The following ACTR1A variants were observed in gnomAD, a reference collection of about 807,000 sequenced individuals.
The protein encoded by ACTR1A is actin related protein 1A.
A neutral mutation model predicts 50.7 loss-of-function variants in ACTR1A; 10 were observed. That is an observed-to-expected ratio of 0.20 (90% confidence interval 0.12 to 0.33). The LOEUF is 0.33. ACTR1A is among the 10% of genes least tolerant of loss of function. The pLI, the probability that ACTR1A is intolerant of heterozygous loss-of-function variation, is 1.00. For synonymous variants in ACTR1A, 177 were observed against 184.2 expected, an observed-to-expected ratio of 0.96 and a Z score of 0.32; for missense variants, 253 against 491.7, an observed-to-expected ratio of 0.51 and a Z score of 4.59.
chr10:102,487,390 G>A (rs147636677), intron 4 of ACTR1A, among the ~76,000 whole-genome samples: 6,582 of 152,024 alleles, frequency 0.043, 454 homozygotes, highest in African/African-American at 0.15. Context: ...CTCCAGCCTG[G>A]CCAACAAGAG....
At chr10:102,491,308 C>G (rs909733189) in intron 1 of ACTR1A, among the ~76,000 whole-genome samples, 2 of 152,190 alleles carry the variant, frequency 1.3e-5, no homozygotes, top group Admixed American at 6.5e-5. Flanking sequence ...CTCCTTGTTA[C>G]GCCACCCTGG....
Position 102,481,129 on chromosome 10 carries a change from C to T in ACTR1A, c.1028+3G>A, listed in dbSNP as rs559670275. 5 of 1,608,456 alleles carry T rather than the reference C, an allele frequency of 3.1e-6. No individual in the cohort carries two copies. Among genetic ancestry groups the T allele is most frequent in the South Asian group, 2.2e-5 (2 of 90,424 alleles). ...TGTTCTTACTCCTGGAAGAGCTACT[C>T]ACCCAATCCACGTGGAATACAGTCT... On this transcript the variant is annotated splice_donor_region_variant and intron_variant, in intron 10 of 10. Coordinates refer to ENST00000369905, the MANE Select transcript of ACTR1A (RefSeq NM_005736.4).
In ACTR1A at chr10:102,481,229, C is replaced by T; in HGVS notation, c.988-57G>A. On this transcript the variant is annotated intron_variant, in intron 9 of 10. Coordinates refer to ENST00000369905, the MANE Select transcript of ACTR1A (RefSeq NM_005736.4). ...CTTCCAGCCCTCCCGCTCCCTTTCC[C>T]TACAATGCTCCTCTTTCTGCCCATG... is the stretch of plus-strand genomic sequence containing the variant. The T allele has an allele frequency of 2.0e-6, 3 of 1,502,762 alleles. No individual in the cohort carries two copies. The South Asian group carries it at 3.9e-5, about 20-fold the overall frequency. The allele number at this position is 1,502,762 out of a possible 1,614,324, so 93.1% of individuals were successfully genotyped here.
At position 102,482,957 on chromosome 10, in the gene ACTR1A, G is replaced by C. The variant is rs919641516; in HGVS notation, c.750+54C>G. 2 of 1,423,250 alleles carry C rather than the reference G, an allele frequency of 1.4e-6. No homozygotes were observed. The highest frequency in any genetic ancestry group is 4.5e-5 in the East Asian group (2 of 44,036). 88.2% of individuals were successfully genotyped at this position (1,423,250 alleles called of 1,614,324 possible). On this transcript the variant is annotated intron_variant, in intron 7 of 10. Transcript: ENST00000369905. This position sits in a 1 kb window ranked among gnomAD's most constrained non-coding sequence, Gnocchi z 5.6. ...GACCCTGATGGAGAATTCTGGTTGG[G>C]CCCAGAGCTTTTGTGGACCTAAGGG... is the stretch of plus-strand genomic sequence containing the variant.
At chr10:102,499,279 C>T (rs370503465) in intron 1 of ACTR1A, among the ~76,000 whole-genome samples, 2 of 152,220 alleles carry the variant, frequency 1.3e-5, no homozygotes, top group East Asian at 3.9e-4. Flanking sequence ...TATACATCTA[C>T]CATCTTGAAA....
chr10:102,495,752 AC>A, intron 1 of ACTR1A, among the ~76,000 whole-genome samples: 1 of 125,188 alleles, frequency 8.0e-6, no homozygotes, highest in Non-Finnish European at 1.6e-5. Context: ...AAATAAATAC[AC>A]AATTTTTTTT....
chr10:102,499,959 C>A (rs1437975345), intron 1 of ACTR1A, among the ~76,000 whole-genome samples: 3 of 152,220 alleles, frequency 2.0e-5, no homozygotes, highest in Non-Finnish European at 4.4e-5. Context: ...ATTGAGCACA[C>A]AGAGGTGCCA....
rs1300351723 is a variant in ACTR1A at position 102,480,746 on chromosome 10, C to T, written c.*117G>A. The T allele has an allele frequency of 1.2e-6, 1 of 862,462 alleles. No individual in the cohort carries two copies. Among genetic ancestry groups the T allele is most frequent in the East Asian group, 2.4e-5 (1 of 41,354 alleles). The allele number at this position is 862,462 out of a possible 1,614,324, so 53.4% of individuals were successfully genotyped here. On this transcript the variant is annotated 3_prime_UTR_variant, in exon 11 of 11. Coordinates refer to ENST00000369905, the MANE Select transcript of ACTR1A (RefSeq NM_005736.4). The stretch of plus-strand genomic sequence containing the variant: ...CACACGGCACTCGCATGTGCACACA[C>T]ACTCATATCCACACACGCACTCACA...
Position 102,479,366 on chromosome 10 carries a change from G to A in ACTR1A, c.*1497C>T. ...GGTTAAGCGCACTGCAGTCCGCGGG[G>A]CGCTACGTTGCTTTCACACATACCT... On this transcript the variant is annotated 3_prime_UTR_variant, in exon 11 of 11. Transcript: ENST00000369905. This position sits in a 1 kb window ranked among gnomAD's most constrained non-coding sequence, Gnocchi z 4.0. 1 of 368,862 alleles carries A rather than the reference G, an allele frequency of 2.7e-6. No homozygotes were observed. Among genetic ancestry groups the A allele is most frequent in the South Asian group, 2.0e-5 (1 of 49,052 alleles). 22.8% of individuals were successfully genotyped at this position (368,862 alleles called of 1,614,324 possible).
Position 102,481,931 on chromosome 10 carries a change from T to G in ACTR1A, c.926-33A>C, listed in dbSNP as rs368732919. 1.1e-4 allele frequency: 185 copies of G among 1,613,496 alleles called. No homozygotes were observed. The African/African-American group carries it at 1.3e-3, about 12-fold the overall frequency. On this transcript the variant is annotated intron_variant, in intron 8 of 10. Transcript: ENST00000369905. Reference sequence around the variant, plus strand: ...GGCAAAGAGGAGAACTTCAAGTCAATTCTCAGGGTGCCTGGAGCCAGCAGG... The same window carrying G: ...GGCAAAGAGGAGAACTTCAAGTCAAGTCTCAGGGTGCCTGGAGCCAGCAGG...
At chr10:102,500,200 A>T (rs2062241695) in intron 1 of ACTR1A, among the ~76,000 whole-genome samples, 1 of 152,104 alleles carries the variant, frequency 6.6e-6, no homozygotes, top group Non-Finnish European at 1.5e-5. Context: ...TTGGGAGGCC[A>T]AGGCGGGTGG....
In ACTR1A at chr10:102,500,071, G is replaced by A. The variant is rs1052837417; in HGVS notation, c.48+2529C>T. On this transcript the variant is annotated intron_variant, in intron 1 of 10. Transcript: ENST00000369905. Reference sequence around the variant, plus strand: ...TTTTTCCCAACACCACTAAACCTGTGGGAGAATATCATCTTTTTCCACAAG... The same window carrying A: ...TTTTTCCCAACACCACTAAACCTGTAGGAGAATATCATCTTTTTCCACAAG... 9.2e-5 allele frequency among the ~76,000 whole-genome samples: 14 copies of A among 152,150 alleles called. No individual in the cohort carries two copies. In the East Asian group the frequency reaches 2.7e-3, roughly 29 times the overall value.
intron 2 of ACTR1A, among the ~76,000 whole-genome samples, chr10:102,490,110 C>T (rs2062184998): frequency 1.3e-5 from 2 of 151,668 alleles, no homozygotes; most frequent in African/African-American, 2.4e-5. Flanking sequence ...GTGGCAGGCG[C>T]CTGTAGTCCC....
intron 1 of ACTR1A, among the ~76,000 whole-genome samples, chr10:102,500,484 G>A (rs1160941936): frequency 1.3e-5 from 2 of 152,044 alleles, no homozygotes; most frequent in African/African-American, 4.8e-5. Flanking sequence ...CAGGAGAATG[G>A]CGTGAACCCG....
At chr10:102,490,956 G>A (rs1489901284) in intron 1 of ACTR1A, among the ~76,000 whole-genome samples, 1 of 151,652 alleles carries the variant, frequency 6.6e-6, no homozygotes, top group Non-Finnish European at 1.5e-5. Flanking sequence ...TTGTGCCACT[G>A]CACTCCAGCC....
chr10:102,480,410 T>G lies in ACTR1A; in HGVS notation c.*453A>C, dbSNP rs1193593381. 1.0e-5 allele frequency: 2 copies of G among 198,602 alleles called. No homozygotes were observed. Among genetic ancestry groups the G allele is most frequent in the South Asian group, 8.9e-5 (1 of 11,284 alleles). 12.3% of individuals were successfully genotyped at this position (198,602 alleles called of 1,614,324 possible). A position where few individuals can be genotyped will look rare whatever the true frequency, so the allele number is the denominator to read the frequency against. ...CCCAGTCCCAGTCCTCAGTGTGCAG[T>G]CAGGAGGCATCGATAGTGGAGGCAG... is the stretch of plus-strand genomic sequence containing the variant. On this transcript the variant is annotated 3_prime_UTR_variant, in exon 11 of 11. Coordinates refer to ENST00000369905, the MANE Select transcript of ACTR1A (RefSeq NM_005736.4).
chr10:102,488,935 AAGG>A lies in ACTR1A; in HGVS notation c.189+125_189+127del. 1.5e-6 allele frequency: 1 copy of A among 646,780 alleles called. No individual in the cohort carries two copies. The highest frequency in any genetic ancestry group is 2.4e-6 in the Non-Finnish European group (1 of 410,224). 40.1% of individuals were successfully genotyped at this position (646,780 alleles called of 1,614,324 possible). ...CTAAGCCTAGGATGAGAGAATCAAA[AAGG>A]AGATTTTCAGAGAAAGTTGCCCCTT... On this transcript the variant is annotated intron_variant, in intron 3 of 10. Transcript: ENST00000369905. This position sits in a 1 kb window ranked among gnomAD's most constrained non-coding sequence, Gnocchi z 4.4.
intron 1 of ACTR1A, 125 bp from the exon 2 acceptor site, chr10:102,490,738 A>T (rs2062188033): frequency 4.3e-6 from 3 of 703,320 alleles, no homozygotes; most frequent in Non-Finnish European, 7.0e-6. Flanking sequence ...CACACTTGTA[A>T]TCCCAACACT....
Position 102,479,676 on chromosome 10 carries a change from C to G in ACTR1A, c.*1187G>C, listed in dbSNP as rs2062128856. 7.8e-7 allele frequency: 1 copy of G among 1,289,434 alleles called. No individual in the cohort carries two copies. Among genetic ancestry groups the G allele is most frequent in the Non-Finnish European group, 1.0e-6 (1 of 988,760 alleles). 79.9% of individuals were successfully genotyped at this position (1,289,434 alleles called of 1,614,324 possible). A position where few individuals can be genotyped will look rare whatever the true frequency, so the allele number is the denominator to read the frequency against. On this transcript the variant is annotated 3_prime_UTR_variant, in exon 11 of 11. Transcript: ENST00000369905. The surrounding 1 kb of genome is among the most constrained non-coding windows in gnomAD (Gnocchi z 4.0). ...ACAAGATCAGCCCAGAGGGGGCCTT[C>G]CCACCTCTACAACCTAGTCCCCTGG...
Sources: allele counts gnomAD v4.1 joint callset (sites outside exome capture counted in the v4.1 genomes callset), GRCh38; gene constraint gnomAD v4.1.1; non-coding constraint Gnocchi (gnomAD v3.1); transcripts MANE v1.5; gene names NCBI Gene and HGNC (gene_info 2026-07-23, HGNC 2026-07-21).